The following RBFOX3 variants were observed in gnomAD, a reference collection of about 807,000 sequenced individuals.
RBFOX3 encodes RNA binding protein fox-1 homolog 3.
A neutral mutation model predicts 48.7 loss-of-function variants in RBFOX3; 17 were observed. The observed-to-expected ratio is 0.35, with a 90% CI of 0.24 to 0.52. The LOEUF is 0.52. Ranked by LOEUF, RBFOX3 falls within the 20% of genes least tolerant of loss-of-function variation. The pLI, the probability that RBFOX3 is intolerant of heterozygous loss-of-function variation, is 0.94. For missense variants in RBFOX3, 382 were observed against 497.5 expected, an observed-to-expected ratio of 0.77 and a Z score of 2.21; for synonymous variants, 212 against 209.5, an observed-to-expected ratio of 1.01 and a Z score of -0.10.
At chr17:79,642,942 A>C in the RBFOX3 span, among the ~76,000 whole-genome samples, 1 of 152,180 alleles carries the variant, frequency 6.6e-6, no homozygotes, top group Non-Finnish European at 1.5e-5. Context: ...TCGTCTCTAC[A>C]AAAAATTAAA....
At chr17:79,180,730 C>A (rs2146075172) in intron 4 of RBFOX3, among the ~76,000 whole-genome samples, 1 of 152,268 alleles carries the variant, frequency 6.6e-6, no homozygotes, top group Admixed American at 6.5e-5. Flanking sequence ...CATACACCCA[C>A]AAATAGCCAG....
rs1383504820 is a variant in RBFOX3 at position 79,220,060 on chromosome 17, T to G, written c.-34+15706A>C. On this transcript the variant is annotated intron_variant, in intron 4 of 14. Transcript: ENST00000693108. This position sits in a 1 kb window ranked among gnomAD's most constrained non-coding sequence, Gnocchi z 5.9. ...TGCCTGCTGGGCCCTGGGGGAAGGG[T>G]GGCATGGCCTGGGAAGGCACGGGGT... Among the ~76,000 whole-genome samples the G allele has an allele frequency of 2.0e-5, 1 of 50,904 alleles. No individual in the cohort carries two copies. The highest frequency in any genetic ancestry group is 4.0e-5 in the Non-Finnish European group (1 of 24,896). The allele number at this position is 50,904 out of a possible 152,430, so 33.4% of individuals were successfully genotyped here. A position where few individuals can be genotyped will look rare whatever the true frequency, so the allele number is the denominator to read the frequency against.
intron 2 of RBFOX3, among the ~76,000 whole-genome samples, chr17:79,444,685 T>G (rs1555737104): frequency 1.3e-5 from 2 of 152,024 alleles, no homozygotes; most frequent in Non-Finnish European, 2.9e-5. Context: ...GATTTGTGCC[T>G]TATAAGCCCG....
At chr17:79,623,311 C>G in the RBFOX3 span, among the ~76,000 whole-genome samples, 1 of 152,212 alleles carries the variant, frequency 6.6e-6, no homozygotes, top group Non-Finnish European at 1.5e-5. Flanking sequence ...AGCCTGGGCG[C>G]TGAGTTTGAG....
rs1223754461 is a variant in RBFOX3 at position 79,249,245 on chromosome 17, C to T, written c.-73-13440G>A. Among the ~76,000 whole-genome samples, 3 of 152,102 alleles carry T rather than the reference C, an allele frequency of 2.0e-5. No individual in the cohort carries two copies. The highest frequency in any genetic ancestry group is 7.2e-5 in the African/African-American group (3 of 41,436). Reference sequence around the variant, plus strand: ...AGCGCGCTCAGGTCTTCAAAGCCACCGTTTGTGCTTGGGCTGCGGATTCTG... The same window carrying T: ...AGCGCGCTCAGGTCTTCAAAGCCACTGTTTGTGCTTGGGCTGCGGATTCTG... On this transcript the variant is annotated intron_variant, in intron 3 of 14. Coordinates refer to ENST00000693108, the MANE Select transcript of RBFOX3 (RefSeq NM_001350451.2). The surrounding 1 kb of genome is among the most constrained non-coding windows in gnomAD (Gnocchi z 4.1).
At chr17:79,236,945 CATTT>C (rs754070242) in intron 3 of RBFOX3, among the ~76,000 whole-genome samples, 44 of 152,196 alleles carry the variant, frequency 2.9e-4, no homozygotes, top group Non-Finnish European at 2.9e-5. Flanking sequence ...ATGACTTGCA[CATTT>C]TTTAATTGTG....
chr17:79,543,128 G>A (rs530617882), intron 1 of RBFOX3, among the ~76,000 whole-genome samples: 7 of 152,218 alleles, frequency 4.6e-5, no homozygotes, highest in African/African-American at 9.6e-5. Context: ...GCAGCTGAAC[G>A]GTAAAGGGGA....
intron 1 of RBFOX3, among the ~76,000 whole-genome samples, chr17:79,571,596 G>A (rs2092680643): frequency 6.7e-6 from 1 of 148,284 alleles, no homozygotes; most frequent in Admixed American, 6.9e-5. Flanking sequence ...ATTTGATCAG[G>A]TTGTCTTAAA....
At chr17:79,472,247 G>C (rs533323236) in intron 2 of RBFOX3, among the ~76,000 whole-genome samples, 42 of 152,352 alleles carry the variant, frequency 2.8e-4, no homozygotes, top group African/African-American at 9.6e-4. Flanking sequence ...GCTGGTGGCA[G>C]AGGGTTGGGA....
chr17:79,598,434 T>A (rs1219112214), intron 1 of RBFOX3: 2 of 152,222 alleles, frequency 1.3e-5, no homozygotes, highest in African/African-American at 2.4e-5. Flanking sequence ...TCCTCGTTGT[T>A]AAGGACCTTA....
intron 2 of RBFOX3, among the ~76,000 whole-genome samples, chr17:79,372,466 A>T (rs1041658765): frequency 2.2e-5 from 3 of 136,930 alleles, no homozygotes; most frequent in Non-Finnish European, 3.0e-5. Context: ...CCCTGGACTT[A>T]TGGGCCAGTC....
intron 2 of RBFOX3, among the ~76,000 whole-genome samples, chr17:79,444,809 A>G (rs577763291): frequency 2.8e-4 from 43 of 152,240 alleles, no homozygotes; most frequent in East Asian, 1.5e-3. Flanking sequence ...AGTTATATAT[A>G]TGCAAATATA....
intron 4 of RBFOX3, among the ~76,000 whole-genome samples, chr17:79,174,472 G>A (rs959427020): frequency 6.6e-6 from 1 of 151,458 alleles, no homozygotes; most frequent in African/African-American, 2.4e-5. Flanking sequence ...TGCACACAAT[G>A]CAGTCACACA....
At chr17:79,288,482 C>CT (rs376320366) in intron 3 of RBFOX3, among the ~76,000 whole-genome samples, 1 of 152,098 alleles carries the variant, frequency 6.6e-6, no homozygotes, top group African/African-American at 2.4e-5. Flanking sequence ...CTGCAGCCCC[C>CT]CCCAGCCCGG....
At chr17:79,297,071 C>T (rs979918961) in intron 3 of RBFOX3, among the ~76,000 whole-genome samples, 20 of 151,430 alleles carry the variant, frequency 1.3e-4, no homozygotes, top group African/African-American at 4.4e-4. Context: ...CAGTGTCTTG[C>T]TCTGTGTGCG....
At chr17:79,620,049 A>G in the RBFOX3 span, among the ~76,000 whole-genome samples, 15 of 150,986 alleles carry the variant, frequency 9.9e-5, no homozygotes, top group Non-Finnish European at 1.9e-4. Context: ...GCACACACGC[A>G]CATGCACACA....
chr17:79,313,072 C>T (rs2145757150), intron 2 of RBFOX3, among the ~76,000 whole-genome samples: 1 of 152,336 alleles, frequency 6.6e-6, no homozygotes, highest in African/African-American at 2.4e-5. Context: ...GCATCTGGCT[C>T]AAGAGCTCAG....
In RBFOX3 at chr17:79,214,872, A is replaced by T. The variant is rs983336385; in HGVS notation, c.-34+20894T>A. On this transcript the variant is annotated intron_variant, in intron 4 of 14. Coordinates refer to ENST00000693108, the MANE Select transcript of RBFOX3 (RefSeq NM_001350451.2). This position sits in a 1 kb window ranked among gnomAD's most constrained non-coding sequence, Gnocchi z 4.7. ...AAACATAATATTTATAGAAAGCCTC[A>T]TTCAGCTCACCCTGTTTGTTCTTTA... Among the ~76,000 whole-genome samples, 4 of 152,200 alleles carry T rather than the reference A, an allele frequency of 2.6e-5. No homozygotes were observed. The highest frequency in any genetic ancestry group is 9.6e-5 in the African/African-American group (4 of 41,460).
chr17:79,579,124 C>T (rs2092959973), intron 1 of RBFOX3, among the ~76,000 whole-genome samples: 1 of 152,232 alleles, frequency 6.6e-6, no homozygotes, highest in Non-Finnish European at 1.5e-5. Context: ...CTCTGCTTCC[C>T]ACTCCTGCCC....
Sources: gnomAD v4.1 joint callset for allele counts (sites outside exome capture counted in the v4.1 genomes callset) on GRCh38, gnomAD v4.1.1 for gene constraint, Gnocchi (gnomAD v3.1) non-coding constraint, MANE v1.5 for transcripts, NCBI Gene and HGNC (gene_info 2026-07-23, HGNC 2026-07-21) for gene names.